MAPKAP1: variants seen among roughly 807,000 people sequenced by gnomAD.
MAPKAP1 encodes the protein MAPK associated protein 1.
MAPKAP1 carries 20 observed loss-of-function variants against 65.7 expected under a neutral mutation model. The observed-to-expected ratio is 0.30, with a 90% CI of 0.21 to 0.44. The LOEUF is 0.44. Among genes scored for constraint, MAPKAP1 ranks in the 20% least tolerant of loss-of-function variants. The pLI is 1.00. For synonymous variants in MAPKAP1, 222 were observed against 244.3 expected (o/e 0.91, Z 0.85); for missense variants, 423 against 648.0 (o/e 0.65, Z 3.77).
In MAPKAP1 at chr9:125,484,372, T is replaced by C. The variant is rs1027684373; in HGVS notation, c.1207+71A>G. 5 of 1,449,042 alleles carry C rather than the reference T, an allele frequency of 3.5e-6. No individual in the cohort carries two copies. In the African/African-American group the frequency reaches 7.1e-5, roughly 20 times the overall value. 89.8% of individuals were successfully genotyped at this position (1,449,042 alleles called of 1,614,324 possible). ...ATTCAGGTCACATAAAAGTTGTATG[T>C]TGTTTCTTTCCCCATTTCTACACCG... On this transcript the variant is annotated intron_variant, in intron 9 of 11. Coordinates refer to ENST00000265960, the MANE Select transcript of MAPKAP1 (RefSeq NM_001006617.3).
intron 1 of MAPKAP1, among the ~76,000 whole-genome samples, chr9:125,700,323 T>G (rs1407895544): frequency 6.6e-6 from 1 of 152,240 alleles, no homozygotes; most frequent in Admixed American, 6.5e-5. Context: ...CATAAGGAAC[T>G]GGAAAATGTT....
chr9:125,678,320 G>A (rs964144924), intron 1 of MAPKAP1, among the ~76,000 whole-genome samples: 1 of 151,612 alleles, frequency 6.6e-6, no homozygotes, highest in East Asian at 1.9e-4. Flanking sequence ...TCTGCTCACT[G>A]CAAGCTCCGC....
rs562525601 is a variant in MAPKAP1, at chr9:125,608,721, T to C, written c.499-22994A>G. On this transcript the variant is annotated intron_variant, in intron 4 of 11. Coordinates refer to ENST00000265960, the MANE Select transcript of MAPKAP1 (RefSeq NM_001006617.3). ...TTCCCTGGGGTTTCCTTTCCAACAA[T>C]TGCACAGAGACTCTGAGAGGAGCCC... Among the ~76,000 whole-genome samples, 3 of 152,252 alleles carry C rather than the reference T, an allele frequency of 2.0e-5. 1 individual carries two copies. The South Asian group carries it at 6.2e-4, about 32-fold the overall frequency.
intron 7 of MAPKAP1, among the ~76,000 whole-genome samples, chr9:125,540,523 C>T (rs1416771388): frequency 6.6e-6 from 1 of 152,236 alleles, no homozygotes; most frequent in Non-Finnish European, 1.5e-5. Flanking sequence ...TATTTCCCCC[C>T]TTCTTCACTG....
intron 6 of MAPKAP1, among the ~76,000 whole-genome samples, chr9:125,550,576 T>G (rs1830557314): frequency 6.6e-6 from 1 of 152,248 alleles, no homozygotes; most frequent in South Asian, 2.1e-4. Context: ...ATATTTAGCT[T>G]GTCTGACCTT....
chr9:125,619,132 C>CA (rs1435937553), intron 4 of MAPKAP1, among the ~76,000 whole-genome samples: 1 of 152,036 alleles, frequency 6.6e-6, no homozygotes, highest in African/African-American at 2.4e-5. Context: ...GACCCTATCT[C>CA]AAAAACACAA....
intron 10 of MAPKAP1, among the ~76,000 whole-genome samples, chr9:125,463,807 TACA>T (rs1221209696): frequency 6.6e-6 from 1 of 152,248 alleles, no homozygotes; most frequent in Non-Finnish European, 1.5e-5. Flanking sequence ...TTAATTGAGA[TACA>T]GCGCTCTTTT....
intron 1 of MAPKAP1, among the ~76,000 whole-genome samples, chr9:125,684,725 C>T (rs1011600760): frequency 6.6e-6 from 1 of 152,128 alleles, no homozygotes; most frequent in African/African-American, 2.4e-5. Flanking sequence ...CCCCTGACTA[C>T]CTCCTAACAT....
At chr9:125,455,737 G>A (rs1313977125) in intron 10 of MAPKAP1, among the ~76,000 whole-genome samples, 6 of 152,212 alleles carry the variant, frequency 3.9e-5, no homozygotes, top group Non-Finnish European at 7.3e-5. Flanking sequence ...AACAGGTAGT[G>A]GGCTGGATTT....
At position 125,437,409 on chromosome 9, in the gene MAPKAP1, CTTTTA is replaced by C. The variant is rs979940915; in HGVS notation, c.*1473_*1477del. On this transcript the variant is annotated 3_prime_UTR_variant, in exon 12 of 12. Coordinates refer to ENST00000265960, the MANE Select transcript of MAPKAP1 (RefSeq NM_001006617.3). The stretch of plus-strand genomic sequence containing the variant: ...TATGCAAAAGTGTGTATTTATATGA[CTTTTA>C]TTTTAATATCATTTTAATATCGAAT... 4 of 152,488 alleles carry C rather than the reference CTTTTA, an allele frequency of 2.6e-5. No individual in the cohort carries two copies. The highest frequency in any genetic ancestry group is 1.9e-4 in the East Asian group (1 of 5,194). The allele number at this position is 152,488 out of a possible 1,614,324, so 9.4% of individuals were successfully genotyped here. A position where few individuals can be genotyped will look rare whatever the true frequency, so the allele number is the denominator to read the frequency against.
intron 7 of MAPKAP1, among the ~76,000 whole-genome samples, chr9:125,534,764 C>A (rs1306892437): frequency 6.6e-6 from 1 of 151,098 alleles, no homozygotes; most frequent in Non-Finnish European, 1.5e-5. Context: ...CCCTGACGAC[C>A]ACAGCAGCCT....
chr9:125,543,226 G>T, intron 6 of MAPKAP1, 58 bp from the exon 7 acceptor site: 1 of 1,258,368 alleles, frequency 7.9e-7, no homozygotes, highest in Non-Finnish European at 1.2e-6. Flanking sequence ...AGATGTTACT[G>T]CAATCTTCAC....
chr9:125,582,567 G>A (rs923478174), intron 5 of MAPKAP1, among the ~76,000 whole-genome samples: 1 of 152,104 alleles, frequency 6.6e-6, no homozygotes, highest in Non-Finnish European at 1.5e-5. Flanking sequence ...ATAGTTCAGG[G>A]TTCCTGTAAT....
At chr9:125,495,786 G>A (rs1438177240) in intron 8 of MAPKAP1, among the ~76,000 whole-genome samples, 2 of 152,194 alleles carry the variant, frequency 1.3e-5, no homozygotes, top group African/African-American at 4.8e-5. Flanking sequence ...ACAGCTTTTT[G>A]CCCCAGGTGT....
At chr9:125,577,851 C>T (rs13283373) in intron 5 of MAPKAP1, among the ~76,000 whole-genome samples, 1 of 146,430 alleles carries the variant, frequency 6.8e-6, no homozygotes, top group Non-Finnish European at 1.5e-5. Flanking sequence ...CGTCCGGGAG[C>T]TGAGGGGCGC....
At chr9:125,522,592 C>A (rs192219400) in intron 7 of MAPKAP1, among the ~76,000 whole-genome samples, 36 of 152,326 alleles carry the variant, frequency 2.4e-4, no homozygotes, top group Non-Finnish European at 4.4e-5. Context: ...ATCTCCCTTG[C>A]ATTCCTTCTC....
chr9:125,533,886 T>C lies in MAPKAP1; in HGVS notation c.958+9173A>G, dbSNP rs149218129. Reference sequence around the variant, plus strand: ...AAACAAGATTGTTCACTGCATGTTTTTGTAATACTGAAAATTTGGAAATAA... The same window carrying C: ...AAACAAGATTGTTCACTGCATGTTTCTGTAATACTGAAAATTTGGAAATAA... On this transcript the variant is annotated intron_variant, in intron 7 of 11. Transcript: ENST00000265960. 1.3e-3 allele frequency among the ~76,000 whole-genome samples: 199 copies of C among 152,348 alleles called. 1 individual carries two copies. The highest frequency in any genetic ancestry group is 4.6e-3 in the African/African-American group (192 of 41,580).
chr9:125,506,396 T>C lies in MAPKAP1; in HGVS notation c.980A>G (p.Lys327Arg). The stretch of plus-strand genomic sequence containing the variant: ...AACGGCGACATTGGGCTCGCTCTGC[T>C]TCTCCAGGCGGTACTGAGGGCCTGG... ...KVSGPQYRLE[K>R]QSEPNVAVDL... is the part of the protein sequence containing the mutation. Residue 327 changes from lysine to arginine, a missense_variant, in exon 8 of 12, where the codon AAG (lysine) becomes AGG (arginine). Physicochemically the swap from Lys to Arg is conservative, Grantham distance 26. This residue lies in a region of MAPKAP1 where 185 missense variants were observed against 268.1 expected (regional missense o/e 0.69). Transcript: ENST00000265960. 1 of 1,614,104 alleles carries C rather than the reference T, an allele frequency of 6.2e-7. No individual in the cohort carries two copies. The highest frequency in any genetic ancestry group is 1.1e-5 in the South Asian group (1 of 91,082).
intron 5 of MAPKAP1, among the ~76,000 whole-genome samples, chr9:125,576,865 GTT>G (rs1831420334): frequency 6.6e-6 from 1 of 151,792 alleles, no homozygotes; most frequent in Non-Finnish European, 1.5e-5. Flanking sequence ...ATCTCGGCTC[GTT>G]ACAACCTCCA....
Sources: gnomAD v4.1 joint callset for allele counts (sites outside exome capture counted in the v4.1 genomes callset) on GRCh38, gnomAD v4.1.1 for gene constraint, gnomAD v4.1.1 regional missense constraint, MANE v1.5 for transcripts, NCBI Gene and HGNC (gene_info 2026-07-23, HGNC 2026-07-21) for gene names.